Variants in FRMD3 observed in about 807,000 individuals in gnomAD.
The protein encoded by FRMD3 is FERM domain containing 3, also known as FERM domain-containing protein 3.
FRMD3 carries 33 observed loss-of-function variants against 70.2 expected under a neutral mutation model. The ratio of observed to expected loss-of-function variants is 0.47; its 90% CI spans 0.36 to 0.63. The LOEUF is 0.63. FRMD3 is among the 20% of genes least tolerant of loss of function. FRMD3 has a pLI of 0.00. For synonymous variants in FRMD3, 279 were observed against 255.9 expected (o/e 1.09, Z -0.86); for missense variants, 632 against 711.4 (o/e 0.89, Z 1.27).
chr9:83,488,188 AT>A (rs1381113963), intron 1 of FRMD3, among the ~76,000 whole-genome samples: 15 of 152,214 alleles, frequency 9.9e-5, no homozygotes, highest in Admixed American at 9.8e-4. Context: ...CGGCTATGTA[AT>A]TTATATACAA....
intron 1 of FRMD3, among the ~76,000 whole-genome samples, chr9:83,421,264 C>T (rs1196363754): frequency 1.3e-5 from 2 of 152,118 alleles, no homozygotes; most frequent in African/African-American, 4.8e-5. Flanking sequence ...TCATAAATTA[C>T]CCAGCCTCAG....
chr9:83,279,701 GAAAAC>G (rs1278653615), intron 13 of FRMD3, among the ~76,000 whole-genome samples: 3 of 150,078 alleles, frequency 2.0e-5, no homozygotes, highest in Non-Finnish European at 4.4e-5. Context: ...CACGGGAACA[GAAAAC>G]CACACACCAA....
In FRMD3 at chr9:83,375,361, T is replaced by C. The variant is rs566704830; in HGVS notation, c.253-2406A>G. Reference sequence around the variant, plus strand: ...TGCAGTTTCAGATCAGTTTCTATCATCCTTTTCCTCTTAGCCTAACCACAC... The same window carrying C: ...TGCAGTTTCAGATCAGTTTCTATCACCCTTTTCCTCTTAGCCTAACCACAC... On this transcript the variant is annotated intron_variant, in intron 2 of 13. Coordinates refer to ENST00000304195, the MANE Select transcript of FRMD3 (RefSeq NM_174938.6). Among the ~76,000 whole-genome samples, 7 of 152,240 alleles carry C rather than the reference T, an allele frequency of 4.6e-5. No homozygotes were observed. The South Asian group carries it at 6.2e-4, about 14-fold the overall frequency.
intron 10 of FRMD3, among the ~76,000 whole-genome samples, chr9:83,307,723 A>T (rs1835185403): frequency 6.6e-6 from 1 of 152,234 alleles, no homozygotes; most frequent in African/African-American, 2.4e-5. Context: ...CTGGAATTAG[A>T]TAGTGATAAT....
At chr9:83,459,063 A>G (rs569656928) in intron 1 of FRMD3, among the ~76,000 whole-genome samples, 1 of 152,332 alleles carries the variant, frequency 6.6e-6, no homozygotes, top group African/African-American at 2.4e-5. Flanking sequence ...AGAGAGAAAA[A>G]TTAAAACTCC....
chr9:83,301,612 GC>G (rs1438250345), intron 10 of FRMD3, among the ~76,000 whole-genome samples: 26 of 152,080 alleles, frequency 1.7e-4, no homozygotes, highest in Admixed American at 1.7e-3. Context: ...GACACGTGAA[GC>G]CGGCAAAGCC....
chr9:83,382,877 T>C (rs1406804294), intron 2 of FRMD3, among the ~76,000 whole-genome samples: 1 of 152,120 alleles, frequency 6.6e-6, no homozygotes. Flanking sequence ...AGACCTATAT[T>C]GTCATCTATA....
downstream of FRMD3, among the ~76,000 whole-genome samples, chr9:83,243,980 T>A (rs941847955): frequency 1.3e-5 from 2 of 152,008 alleles, no homozygotes; most frequent in African/African-American, 4.8e-5. Flanking sequence ...TACAAAAAAT[T>A]AGCTGGATGT....
chr9:83,456,849 A>T (rs971181148), intron 1 of FRMD3, among the ~76,000 whole-genome samples: 1 of 152,030 alleles, frequency 6.6e-6, no homozygotes, highest in Non-Finnish European at 1.5e-5. Flanking sequence ...GCATGGTGGC[A>T]TATACCTGTA....
At chr9:83,543,490 T>C (rs569611299), upstream of FRMD3, among the ~76,000 whole-genome samples, 45 of 152,282 alleles carry the variant, frequency 3.0e-4, no homozygotes, top group African/African-American at 1.0e-3. Flanking sequence ...ATTTGAGCTA[T>C]GGTAGCGGGC....
At chr9:83,271,299 C>T (rs1833542395) in intron 13 of FRMD3, among the ~76,000 whole-genome samples, 1 of 152,176 alleles carries the variant, frequency 6.6e-6, no homozygotes, top group Admixed American at 6.5e-5. Context: ...ATTATTATTA[C>T]ATTCATTAAA....
chr9:83,329,341 G>A (rs961667012), intron 6 of FRMD3, among the ~76,000 whole-genome samples: 2 of 152,156 alleles, frequency 1.3e-5, no homozygotes, highest in African/African-American at 2.4e-5. Context: ...GAGAGAGATC[G>A]ATGACAAAGA....
At chr9:83,332,191 G>A (rs1823401502) in intron 6 of FRMD3, among the ~76,000 whole-genome samples, 1 of 152,150 alleles carries the variant, frequency 6.6e-6, no homozygotes, top group South Asian at 2.1e-4. Context: ...ACTATAACAT[G>A]CTACTATATT....
chr9:83,471,896 T>C (rs941541212), intron 1 of FRMD3, among the ~76,000 whole-genome samples: 3 of 152,192 alleles, frequency 2.0e-5, no homozygotes, highest in Admixed American at 1.3e-4. Context: ...GGCCTGTCAT[T>C]TCCTAACTAT....
chr9:83,398,615 C>A (rs3860915), intron 1 of FRMD3, among the ~76,000 whole-genome samples: 15,751 of 152,078 alleles, frequency 0.1, 864 homozygotes, highest in Non-Finnish European at 0.12. Flanking sequence ...ACATAACAAA[C>A]CTGCACGTTG....
At chr9:83,376,614 T>C (rs1412803823) in intron 2 of FRMD3, among the ~76,000 whole-genome samples, 3 of 144,068 alleles carry the variant, frequency 2.1e-5, no homozygotes, top group Non-Finnish European at 3.0e-5. Flanking sequence ...TATATTCCTT[T>C]TTTTTTTTTT....
At chr9:83,366,058 A>T (rs1446245670) in intron 3 of FRMD3, among the ~76,000 whole-genome samples, 1 of 152,118 alleles carries the variant, frequency 6.6e-6, no homozygotes, top group Admixed American at 6.5e-5. Context: ...GAGACACACC[A>T]AGGAAGACTC....
chr9:83,523,153 AGG>A (rs1829614067), intron 1 of FRMD3, among the ~76,000 whole-genome samples: 5 of 149,584 alleles, frequency 3.3e-5, no homozygotes, highest in African/African-American at 1.2e-4. Context: ...GAATGGATGG[AGG>A]ATGGATGGAT....
chr9:83,415,682 G>A (rs918413661), intron 1 of FRMD3, among the ~76,000 whole-genome samples: 13 of 141,866 alleles, frequency 9.2e-5, no homozygotes, highest in Admixed American at 3.0e-4. Context: ...GGATGGTCTC[G>A]GTCTCCTGAC....
Sources: gnomAD v4.1 joint callset for allele counts (sites outside exome capture counted in the v4.1 genomes callset) on GRCh38, gnomAD v4.1.1 for gene constraint, MANE v1.5 for transcripts, NCBI Gene and HGNC (gene_info 2026-07-23, HGNC 2026-07-21) for gene names.